Variants in TARBP1 observed in about 807,000 individuals in gnomAD.
The protein encoded by TARBP1 is tRNA (guanosine(18)-2'-O)-methyltransferase TARBP1.
In TARBP1, 144 loss-of-function variants were observed where a neutral mutation model predicts 178.6. That is an observed-to-expected ratio of 0.81 (90% CI 0.70 to 0.93). The LOEUF (loss-of-function observed/expected upper bound fraction) is 0.93, where lower values mean the gene tolerates loss of function less well. Ranked by LOEUF, TARBP1 falls within the 40% of genes least tolerant of loss-of-function variation. The probability of loss-of-function intolerance (pLI) is 0.00; values close to 1 mark genes in which losing one functional copy is unlikely to be tolerated. For missense variants in TARBP1, 2,067 were observed against 2,011.7 expected (o/e 1.03, Z -0.53); for synonymous variants, 787 against 781.0 (o/e 1.01, Z -0.13).
At chr1:234,473,714 GGCT>G (rs1372240747) in intron 1 of TARBP1, among the ~76,000 whole-genome samples, 3 of 152,152 alleles carry the variant, frequency 2.0e-5, no homozygotes, top group Non-Finnish European at 2.9e-5. Context: ...ACCACTCATG[GGCT>G]TAGAGCTTTA....
chr1:234,469,426 A>ATAAGAGCATCATTT (rs1254266588), intron 3 of TARBP1, among the ~76,000 whole-genome samples: 1 of 152,174 alleles, frequency 6.6e-6, no homozygotes, highest in Non-Finnish European at 1.5e-5. Context: ...AAATGTGGTA[A>ATAAGAGCATCATTT]TAAGAGCATC....
intron 1 of TARBP1, among the ~76,000 whole-genome samples, chr1:234,477,139 T>C (rs552075629): frequency 3.9e-5 from 6 of 152,316 alleles, no homozygotes; most frequent in African/African-American, 1.2e-4. Context: ...GAGCGGAGAT[T>C]GTGCCATTGC....
chr1:234,462,426 C>G (rs968548402), intron 6 of TARBP1, among the ~76,000 whole-genome samples: 5 of 152,136 alleles, frequency 3.3e-5, no homozygotes, highest in African/African-American at 9.7e-5. Flanking sequence ...TGTGGTGGCT[C>G]ACGCCTGTAA....
chr1:234,429,071 T>C lies in TARBP1; in HGVS notation c.3060+65A>G, dbSNP rs565707673. On this transcript the variant is annotated intron_variant, in intron 17 of 29. Transcript: ENST00000040877. The stretch of plus-strand genomic sequence containing the variant: ...AATCTAATTGTGAATACAACTCTCA[T>C]GTTCCTCATGTGCTGAAGCTCACAC... 4.0e-5 allele frequency: 57 copies of C among 1,409,868 alleles called. No individual in the cohort carries two copies. The African/African-American group carries it at 6.4e-4, about 16-fold the overall frequency. 87.3% of individuals were successfully genotyped at this position (1,409,868 alleles called of 1,614,324 possible).
intron 22 of TARBP1, among the ~76,000 whole-genome samples, chr1:234,415,195 G>C (rs1662288246): frequency 6.6e-6 from 1 of 152,126 alleles, no homozygotes; most frequent in Non-Finnish European, 1.5e-5. Flanking sequence ...AGAGACTGAG[G>C]ATAGAAGACA....
intron 14 of TARBP1, among the ~76,000 whole-genome samples, chr1:234,430,771 C>G (rs1293635461): frequency 6.6e-6 from 1 of 152,156 alleles, no homozygotes; most frequent in East Asian, 1.9e-4. Context: ...ATCAGCTGCA[C>G]GCTACTTTTG....
rs1189046149 is a variant in TARBP1, at chr1:234,460,637, AT to A, written c.1400-242del. ...CGGTGCAGCCGCTGTGGAAAAAAAT[AT>A]GGCAGTTCCTCCAAAACTTAGACGG... On this transcript the variant is annotated intron_variant, in intron 6 of 29. Transcript: ENST00000040877. Among the ~76,000 whole-genome samples, 3 of 152,220 alleles carry A rather than the reference AT, an allele frequency of 2.0e-5. No homozygotes were observed. In the East Asian group the frequency reaches 5.8e-4, roughly 29 times the overall value.
intron 9 of TARBP1, among the ~76,000 whole-genome samples, chr1:234,455,312 C>T (rs1667162149): frequency 6.6e-6 from 1 of 152,200 alleles, no homozygotes; most frequent in Non-Finnish European, 1.5e-5. Flanking sequence ...GACCAGCAAT[C>T]CCAATTCTAG....
chr1:234,415,136 G>T (rs1476233308), intron 22 of TARBP1, among the ~76,000 whole-genome samples: 2 of 152,160 alleles, frequency 1.3e-5, no homozygotes, highest in Non-Finnish European at 2.9e-5. Context: ...CACAGAAAAT[G>T]GATGCAACTC....
At chr1:234,464,891 C>A (rs1030224628) in intron 5 of TARBP1, among the ~76,000 whole-genome samples, 4 of 152,182 alleles carry the variant, frequency 2.6e-5, no homozygotes, top group Non-Finnish European at 4.4e-5. Flanking sequence ...TCCTGACAAA[C>A]TTCTCACTGT....
intron 2 of TARBP1, 110 bp downstream of exon 2, chr1:234,472,604 C>T (rs1669178236): frequency 3.0e-6 from 2 of 660,230 alleles, no homozygotes; most frequent in Non-Finnish European, 5.0e-6. Context: ...TGGATTCTAT[C>T]ATCACCAGCT....
chr1:234,395,387 A>T (rs1659823618), intron 26 of TARBP1, among the ~76,000 whole-genome samples: 1 of 152,238 alleles, frequency 6.6e-6, no homozygotes, highest in South Asian at 2.1e-4. Context: ...AGGTAAAAAC[A>T]ATGCCAGTCT....
At chr1:234,431,355 G>A (rs546225565) in intron 14 of TARBP1, among the ~76,000 whole-genome samples, 25 of 152,300 alleles carry the variant, frequency 1.6e-4, no homozygotes, top group African/African-American at 5.8e-4. Context: ...CGATTTTTAA[G>A]AATAAGAGTT....
Position 234,457,737 on chromosome 1 carries a change from T to C in TARBP1, c.1652A>G (p.Asp551Gly). 6.2e-7 allele frequency: 1 copy of C among 1,609,312 alleles called. No homozygotes were observed. Among genetic ancestry groups the C allele is most frequent in the Non-Finnish European group, 8.5e-7 (1 of 1,177,064 alleles). ...CAGAGACATGAGAAAAGTTGAGACA[T>C]CAGAAAGTGACACTTTCTCCTGGGC... ...LLDVEKVSLS[D>G]VSTFLMSLRQ... Residue 551 changes from aspartate to glycine, a missense_variant, in exon 9 of 30, where the codon GAT (aspartate) becomes GGT (glycine). Transcript: ENST00000040877.
chr1:234,392,110 G>A (rs1394738338), intron 29 of TARBP1, among the ~76,000 whole-genome samples: 1 of 152,224 alleles, frequency 6.6e-6, no homozygotes, highest in African/African-American at 2.4e-5. Context: ...GCTCACGCCT[G>A]TAATCCCACC....
chr1:234,401,360 G>A, intron 24 of TARBP1, 98 bp from the exon 25 acceptor site: 8 of 822,890 alleles, frequency 9.7e-6, no homozygotes, highest in South Asian at 1.6e-5. Flanking sequence ...GCAGAGTTGA[G>A]AAGGAACAGA....
chr1:234,440,845 T>C (rs1665518562), intron 12 of TARBP1, among the ~76,000 whole-genome samples: 1 of 152,140 alleles, frequency 6.6e-6, no homozygotes, highest in Admixed American at 6.5e-5. Context: ...ATCTATACGC[T>C]GAAAACTGTA....
chr1:234,405,532 T>C (rs1393547390), intron 24 of TARBP1: 1 of 183,076 alleles, frequency 5.5e-6, no homozygotes, highest in East Asian at 1.4e-4. Flanking sequence ...TAGCTATAAC[T>C]AGTATAGCTG....
In TARBP1 at chr1:234,471,657, T is replaced by C. The variant is rs576596203; in HGVS notation, c.1030-400A>G. Among the ~76,000 whole-genome samples the C allele has an allele frequency of 3.9e-5, 6 of 152,362 alleles. No individual in the cohort carries two copies. The East Asian group carries it at 7.7e-4, about 20-fold the overall frequency. ...TTAGAACGGCCAGTTCGGAGTTCCA[T>C]GTTCTTAATACCACATAGCCAAAGT... On this transcript the variant is annotated intron_variant, in intron 2 of 29. Transcript: ENST00000040877.
Sources: allele counts gnomAD v4.1 joint callset (sites outside exome capture counted in the v4.1 genomes callset), GRCh38; gene constraint gnomAD v4.1.1; transcripts MANE v1.5; gene names NCBI Gene and HGNC (gene_info 2026-07-23, HGNC 2026-07-21).